The following DDR2 variants were observed in gnomAD, a reference collection of about 807,000 sequenced individuals.
DDR2 encodes the protein discoidin domain receptor tyrosine kinase 2, also known as discoidin domain-containing receptor 2.
DDR2 carries 27 observed loss-of-function variants against 94.9 expected under a neutral mutation model. The ratio of observed to expected loss-of-function variants is 0.28; its 90% CI spans 0.21 to 0.39. DDR2 has a LOEUF of 0.39. Ranked by LOEUF, DDR2 falls within the 10% of genes least tolerant of loss-of-function variation. The pLI is 1.00. For missense variants in DDR2, 783 were observed against 1,076.0 expected (o/e 0.73, Z 3.81); for synonymous variants, 382 against 377.2 (o/e 1.01, Z -0.15).
rs2102216726 is a variant in DDR2 at position 162,782,963 on chromosome 1, G to A, written c.*2717G>A. On this transcript the variant is annotated 3_prime_UTR_variant, in exon 18 of 18. Transcript: ENST00000367921. ...TTTCTAGCTTAGTCATGCCTTTAGA[G>A]TTTAGTAGCACAAATCCATGCAACC... 1 of 152,218 alleles carries A rather than the reference G, an allele frequency of 6.6e-6. No individual in the cohort carries two copies. The highest frequency in any genetic ancestry group is 6.5e-5 in the Admixed American group (1 of 15,278). The allele number at this position is 152,218 out of a possible 1,614,324, so 9.4% of individuals were successfully genotyped here.
rs572699591 is a variant in DDR2, at chr1:162,762,398, G to C, written c.1099+944G>C. Reference sequence around the variant, plus strand: ...TCAGTAATGCTGTATATTTTATGCTGAACTTCATCATGGGGATGTAATGCT... The same window carrying C: ...TCAGTAATGCTGTATATTTTATGCTCAACTTCATCATGGGGATGTAATGCT... On this transcript the variant is annotated intron_variant, in intron 9 of 17. Transcript: ENST00000367921. Among the ~76,000 whole-genome samples the C allele has an allele frequency of 2.0e-5, 3 of 152,206 alleles. No individual in the cohort carries two copies. The South Asian group carries it at 6.2e-4, about 32-fold the overall frequency.
chr1:162,752,758 A>G (rs931973286), intron 3 of DDR2, among the ~76,000 whole-genome samples: 3 of 152,252 alleles, frequency 2.0e-5, no homozygotes, highest in Admixed American at 6.5e-5. Context: ...AGAAGTAAAC[A>G]TCTTCTAATA....
At chr1:162,761,903 G>A (rs1027238273) in intron 9 of DDR2, among the ~76,000 whole-genome samples, 1 of 152,120 alleles carries the variant, frequency 6.6e-6, no homozygotes, top group African/African-American at 2.4e-5. Flanking sequence ...TTTGGCTGTA[G>A]CATTTTAAAG....
chr1:162,673,620 A>T (rs1032909831), intron 2 of DDR2, among the ~76,000 whole-genome samples: 22 of 136,398 alleles, frequency 1.6e-4, no homozygotes, highest in African/African-American at 7.6e-4. Flanking sequence ...AGAGAGAGAG[A>T]GAGAGAGAGA....
chr1:162,708,969 A>G (rs1317803319), intron 2 of DDR2, among the ~76,000 whole-genome samples: 1 of 152,208 alleles, frequency 6.6e-6, no homozygotes, highest in East Asian at 1.9e-4. Flanking sequence ...ATACAAATAA[A>G]TGGTAACATT....
chr1:162,663,129 A>G (rs1001995423), intron 2 of DDR2, among the ~76,000 whole-genome samples: 2 of 152,174 alleles, frequency 1.3e-5, no homozygotes, highest in Non-Finnish European at 2.9e-5. Flanking sequence ...CTGCCCCCCA[A>G]ATCTCCCAGT....
rs2102212031 is a variant in DDR2, at chr1:162,780,295, G to A, written c.*49G>A. ...CCTACGGCTCAGGTCCTCCCTACAAGACCTACCACTCACCCATGCCTATGC... is the reference window on the plus strand; with the variant it reads ...CCTACGGCTCAGGTCCTCCCTACAAAACCTACCACTCACCCATGCCTATGC... On this transcript the variant is annotated 3_prime_UTR_variant, in exon 18 of 18. Transcript: ENST00000367921. The A allele has an allele frequency of 6.2e-7, 1 of 1,612,712 alleles. No homozygotes were observed. The highest frequency in any genetic ancestry group is 8.5e-7 in the Non-Finnish European group (1 of 1,179,396).
chr1:162,756,802 T>C (rs985433321), intron 7 of DDR2, among the ~76,000 whole-genome samples: 6 of 152,192 alleles, frequency 3.9e-5, no homozygotes, highest in Non-Finnish European at 7.3e-5. Flanking sequence ...GTTCTTTCCT[T>C]TTTGCTTAAA....
intron 14 of DDR2, among the ~76,000 whole-genome samples, chr1:162,774,616 T>C (rs1379840136): frequency 6.6e-6 from 1 of 152,178 alleles, no homozygotes; most frequent in East Asian, 1.9e-4. Flanking sequence ...CTTATATTAA[T>C]CTTAGCACAT....
chr1:162,771,395 G>T (rs1354077378), intron 12 of DDR2, among the ~76,000 whole-genome samples: 1 of 152,142 alleles, frequency 6.6e-6, no homozygotes, highest in African/African-American at 2.4e-5. Flanking sequence ...TCTTTTCAAA[G>T]GATAAAAGGA....
intron 6 of DDR2, 38 bp from the exon 7 acceptor site, chr1:162,755,626 G>A: frequency 1.3e-6 from 2 of 1,580,598 alleles, no homozygotes; most frequent in Non-Finnish European, 1.7e-6. Context: ...TAATGGGCCT[G>A]AGCAGTAGGC....
Position 162,655,366 on chromosome 1 carries a change from C to G in DDR2, c.-36C>G, listed in dbSNP as rs761676558. Reference sequence around the variant, plus strand: ...CCTGCTCCACAGAGAATGCTCTGCACCCGTTGATGTAAGTAGGTCCAGTCA... The same window carrying G: ...CCTGCTCCACAGAGAATGCTCTGCAGCCGTTGATGTAAGTAGGTCCAGTCA... On this transcript the variant is annotated 5_prime_UTR_variant, in exon 2 of 18. Transcript: ENST00000367921. The G allele has an allele frequency of 6.6e-6, 1 of 152,164 alleles. No homozygotes were observed. Among genetic ancestry groups the G allele is most frequent in the Non-Finnish European group, 1.5e-5 (1 of 68,034 alleles). The allele number at this position is 152,164 out of a possible 1,614,324, so 9.4% of individuals were successfully genotyped here.
intron 11 of DDR2, among the ~76,000 whole-genome samples, chr1:162,767,777 T>G (rs1032290016): frequency 3.3e-5 from 5 of 151,454 alleles, no homozygotes; most frequent in South Asian, 2.1e-4. Context: ...TGAAGTTCCT[T>G]CTCATCTTTT....
chr1:162,658,563 T>C (rs1658124498), intron 2 of DDR2, among the ~76,000 whole-genome samples: 1 of 149,982 alleles, frequency 6.7e-6, no homozygotes, highest in African/African-American at 2.5e-5. Context: ...GCTCAATGGC[T>C]CACGTCTGTA....
chr1:162,729,301 T>TATATA lies in DDR2; in HGVS notation c.82+10156_82+10157insATATA, dbSNP rs755861408. The stretch of plus-strand genomic sequence containing the variant: ...CCATTTATATATATATATATATATA[T>TATATA]TTTTTTTTTTTTTTTTTTTCCTTGG... On this transcript the variant is annotated intron_variant, in intron 3 of 17. Coordinates refer to ENST00000367921, the MANE Select transcript of DDR2 (RefSeq NM_006182.4). 3.3e-3 allele frequency among the ~76,000 whole-genome samples: 196 copies of TATATA among 60,068 alleles called. 2 individuals are homozygous for TATATA. Among genetic ancestry groups the TATATA allele is most frequent in the South Asian group, 8.4e-3 (13 of 1,546 alleles). 39.4% of individuals were successfully genotyped at this position (60,068 alleles called of 152,430 possible).
chr1:162,673,171 T>G (rs1359735505), intron 2 of DDR2, among the ~76,000 whole-genome samples: 1 of 152,134 alleles, frequency 6.6e-6, no homozygotes, highest in African/African-American at 2.4e-5. Context: ...CAAGAAAAAT[T>G]AATACATCAT....
intron 2 of DDR2, among the ~76,000 whole-genome samples, chr1:162,658,622 T>C (rs1571157118): frequency 7.3e-6 from 1 of 136,886 alleles, no homozygotes; most frequent in African/African-American, 2.8e-5. Context: ...TGAGCCAGGT[T>C]GGAGAGCAGC....
intron 2 of DDR2, among the ~76,000 whole-genome samples, chr1:162,681,999 C>A (rs1659434016): frequency 6.6e-6 from 1 of 152,172 alleles, no homozygotes; most frequent in East Asian, 1.9e-4. Context: ...ATTTAGGTGA[C>A]TCCCACCAAA....
chr1:162,689,271 CCTGTGTTT>C (rs963000726), intron 2 of DDR2, among the ~76,000 whole-genome samples: 1 of 152,154 alleles, frequency 6.6e-6, no homozygotes, highest in African/African-American at 2.4e-5. Flanking sequence ...ATGGTTAATA[CCTGTGTTT>C]CCAAGAAAGT....
Sources: gnomAD v4.1 joint callset for allele counts (sites outside exome capture counted in the v4.1 genomes callset) on GRCh38, gnomAD v4.1.1 for gene constraint, MANE v1.5 for transcripts, NCBI Gene and HGNC (gene_info 2026-07-23, HGNC 2026-07-21) for gene names.